Variants in FOXO3 observed in about 807,000 individuals in gnomAD.
The protein encoded by FOXO3 is forkhead box protein O3.
A neutral mutation model predicts 41.9 loss-of-function variants in FOXO3; 4 were observed. The observed-to-expected ratio is 0.10, with a 90% CI of 0.05 to 0.22. The LOEUF is 0.22. Among genes scored for constraint, FOXO3 ranks in the 10% least tolerant of loss-of-function variants. FOXO3 has a pLI of 1.00. For missense variants in FOXO3, 534 were observed against 906.8 expected, an observed-to-expected ratio of 0.59 and a Z score of 5.28; for synonymous variants, 318 against 389.3, an observed-to-expected ratio of 0.82 and a Z score of 2.16.
At chr6:108,649,260 C>A (rs1778480734) in intron 1 of FOXO3, among the ~76,000 whole-genome samples, 1 of 152,054 alleles carries the variant, frequency 6.6e-6, no homozygotes, top group African/African-American at 2.4e-5. Flanking sequence ...GATCTTAAAT[C>A]ATTTGTAATA....
intron 1 of FOXO3, among the ~76,000 whole-genome samples, chr6:108,602,192 A>G (rs934859397): frequency 1.3e-5 from 2 of 152,114 alleles, no homozygotes; most frequent in Non-Finnish European, 2.9e-5. Context: ...TTATTTCTAG[A>G]AGTGGAATTG....
At chr6:108,604,570 C>T (rs1364869083) in intron 1 of FOXO3, among the ~76,000 whole-genome samples, 1 of 152,090 alleles carries the variant, frequency 6.6e-6, no homozygotes, top group Non-Finnish European at 1.5e-5. Context: ...CTTTCTTGTT[C>T]ATTATTATGT....
chr6:108,562,492 T>G (rs1176119355), intron 1 of FOXO3, among the ~76,000 whole-genome samples: 1 of 152,166 alleles, frequency 6.6e-6, no homozygotes, highest in Non-Finnish European at 1.5e-5. Flanking sequence ...ACTAGCTGCT[T>G]CTGAAATGTT....
At chr6:108,609,104 G>A (rs1562243006) in intron 1 of FOXO3, among the ~76,000 whole-genome samples, 1 of 152,124 alleles carries the variant, frequency 6.6e-6, no homozygotes, top group Non-Finnish European at 1.5e-5. Context: ...AGAGGTTATC[G>A]GAGGTTAGTT....
chr6:108,584,556 T>C (rs1776522350), intron 1 of FOXO3, among the ~76,000 whole-genome samples: 1 of 152,168 alleles, frequency 6.6e-6, no homozygotes, highest in African/African-American at 2.4e-5. Context: ...AGTCTGCTTT[T>C]TGTAAAGGAG....
At chr6:108,581,855 T>G (rs551887252) in intron 1 of FOXO3, among the ~76,000 whole-genome samples, 1 of 152,250 alleles carries the variant, frequency 6.6e-6, no homozygotes, top group East Asian at 1.9e-4. Flanking sequence ...TCCCCCATTA[T>G]CTCCCTTTCA....
rs765304523 is a variant in FOXO3, at chr6:108,561,349, C to T, written c.141C>T (p.Pro47=). 7 of 1,569,752 alleles carry T rather than the reference C, an allele frequency of 4.5e-6. No homozygotes were observed. The East Asian group carries it at 9.4e-5, about 21-fold the overall frequency. ...RPELQASPAK[P]SGETAADSMI... is the part of the protein sequence containing the mutation. ...AGCTCCAAGCGAGCCCTGCCAAGCC[C>T]TCGGGGGAGACGGCCGCCGACTCCA... Residue 47 remains proline, a synonymous_variant, in exon 1 of 3, where the codon CCC becomes CCT. Coordinates refer to ENST00000406360, the MANE Select transcript of FOXO3 (RefSeq NM_001455.4).
chr6:108,612,781 A>T (rs1777400410), intron 1 of FOXO3, among the ~76,000 whole-genome samples: 1 of 152,188 alleles, frequency 6.6e-6, no homozygotes, highest in Admixed American at 6.5e-5. Context: ...AGGACCTCCA[A>T]TACATTGTTG....
chr6:108,568,768 G>A (rs1413291378), intron 1 of FOXO3, among the ~76,000 whole-genome samples: 1 of 152,108 alleles, frequency 6.6e-6, no homozygotes, highest in Non-Finnish European at 1.5e-5. Flanking sequence ...TCCTAGCATC[G>A]ATGTTGATGT....
intron 1 of FOXO3, among the ~76,000 whole-genome samples, chr6:108,626,991 T>TG (rs1245734994): frequency 8.5e-5 from 13 of 152,304 alleles, no homozygotes; most frequent in African/African-American, 2.9e-4. Flanking sequence ...TACTGATTGA[T>TG]GGTGGCTTCT....
At chr6:108,639,496 G>A (rs970286333) in intron 1 of FOXO3, 23 of 958,546 alleles carry the variant, frequency 2.4e-5, no homozygotes, top group Middle Eastern at 1.1e-3. Flanking sequence ...CCCTCAGAAC[G>A]CATTCCCTGG....
chr6:108,635,695 C>G (rs541593598), intron 1 of FOXO3, among the ~76,000 whole-genome samples: 1 of 152,094 alleles, frequency 6.6e-6, no homozygotes, highest in Admixed American at 6.6e-5. Flanking sequence ...GGTGGCGAAA[C>G]GATTGGCCAC....
At chr6:108,622,898 T>G (rs1409174181) in intron 1 of FOXO3, among the ~76,000 whole-genome samples, 1 of 151,544 alleles carries the variant, frequency 6.6e-6, no homozygotes, top group Non-Finnish European at 1.5e-5. Flanking sequence ...AGAAACTTGA[T>G]TCTTCTGGAA....
chr6:108,620,980 G>C (rs1777649085), intron 1 of FOXO3, among the ~76,000 whole-genome samples: 2 of 152,088 alleles, frequency 1.3e-5, no homozygotes, highest in Admixed American at 1.3e-4. Flanking sequence ...GCCTATTTAA[G>C]TCATATCTTA....
rs1172636505 is a variant in FOXO3 at position 108,561,100 on chromosome 6, G to T, written c.-109G>T. On this transcript the variant is annotated 5_prime_UTR_variant, in exon 1 of 3. Transcript: ENST00000406360. ...TGCTTCCCCAGGCGGCGGCGGCGGC[G>T]CCCGGGAGCCGGAGCCTTCGCGGCG... is the stretch of plus-strand genomic sequence containing the variant. 2 of 1,425,406 alleles carry T rather than the reference G, an allele frequency of 1.4e-6. No individual in the cohort carries two copies. Among genetic ancestry groups the T allele is most frequent in the Non-Finnish European group, 9.1e-7 (1 of 1,099,184 alleles). 88.3% of individuals were successfully genotyped at this position (1,425,406 alleles called of 1,614,324 possible). A position where few individuals can be genotyped will look rare whatever the true frequency, so the allele number is the denominator to read the frequency against.
intron 1 of FOXO3, among the ~76,000 whole-genome samples, chr6:108,611,885 T>C (rs1417441125): frequency 6.6e-6 from 1 of 152,220 alleles, no homozygotes; most frequent in African/African-American, 2.4e-5. Flanking sequence ...TTTAAGACTT[T>C]GATCCATTTG....
chr6:108,628,283 CA>C (rs1777868384), intron 1 of FOXO3, among the ~76,000 whole-genome samples: 1 of 152,112 alleles, frequency 6.6e-6, no homozygotes, highest in South Asian at 2.1e-4. Flanking sequence ...GTTTTGAAAA[CA>C]AAATGTGTTT....
intron 1 of FOXO3, among the ~76,000 whole-genome samples, chr6:108,604,338 G>A (rs1023874525): frequency 2.0e-5 from 3 of 152,184 alleles, no homozygotes; most frequent in Non-Finnish European, 4.4e-5. Context: ...AAGTCATTGG[G>A]TTCCTTTGCC....
rs775369677 is a variant in FOXO3, at chr6:108,664,050, G to A, written c.1217G>A (p.Gly406Glu). The change falls in exon 2 of 3, where the codon GGA becomes GAA. Residue 406 changes from glycine (G) to glutamate (E), a missense_variant. Gly to Glu is a moderately conservative substitution (Grantham distance 98). This residue lies in a region of FOXO3 where 185 missense variants were observed against 224.9 expected (regional missense o/e 0.82). Coordinates refer to ENST00000406360, the MANE Select transcript of FOXO3 (RefSeq NM_001455.4). ...LPPSQPSPTG[G>E]LMQRSSSFPY... is the part of the protein sequence containing the mutation. ...CCATCCCAGCCATCGCCCACTGGGG[G>A]ACTCATGCAGCGGAGCTCTAGCTTC... The A allele has an allele frequency of 1.2e-6, 2 of 1,614,176 alleles. No homozygotes were observed. The highest frequency in any genetic ancestry group is 1.7e-6 in the Non-Finnish European group (2 of 1,180,040).
Sources: allele counts gnomAD v4.1 joint callset (sites outside exome capture counted in the v4.1 genomes callset), GRCh38; gene constraint gnomAD v4.1.1; regional missense constraint gnomAD v4.1.1; transcripts MANE v1.5; gene names NCBI Gene and HGNC (gene_info 2026-07-23, HGNC 2026-07-21).